SLC60A1: variants seen among roughly 807,000 people sequenced by gnomAD.
SLC60A1 encodes major facilitator superfamily domain containing 4.
chr1:205,575,193 G>A, the SLC60A1 span, among the ~76,000 whole-genome samples: 1 of 152,158 alleles, frequency 6.6e-6, no homozygotes, highest in Admixed American at 6.5e-5. Context: ...CCCCTTTTGG[G>A]GTGGATAGGG....
the SLC60A1 span, among the ~76,000 whole-genome samples, chr1:205,582,704 C>G: frequency 0.27 from 41,501 of 152,172 alleles, 6,124 homozygotes; most frequent in Non-Finnish European, 0.31. Flanking sequence ...CCCATTAGGG[C>G]TCAGCAGGGG....
the SLC60A1 span, among the ~76,000 whole-genome samples, chr1:205,591,211 G>T: frequency 1.3e-5 from 2 of 152,178 alleles, no homozygotes; most frequent in Non-Finnish European, 2.9e-5. Context: ...GGCTGGGCGT[G>T]GGGGCTCATG....
the SLC60A1 span, chr1:205,579,597 C>A: frequency 1.2e-6 from 1 of 823,854 alleles, no homozygotes; most frequent in African/African-American, 1.7e-5. Flanking sequence ...AACTTGCCCA[C>A]AGCTAATAAG....
At chr1:205,580,647 T>TCCC in the SLC60A1 span, 1 of 702,610 alleles carries the variant, frequency 1.4e-6, no homozygotes, top group Non-Finnish European at 2.2e-6. This position sits in a 1 kb window ranked among gnomAD's most constrained non-coding sequence, Gnocchi z 5.0. Context: ...CCGCCACCTC[T>TCCC]CCTCTGTCCC....
At chr1:205,584,466 C>CA in the SLC60A1 span, among the ~76,000 whole-genome samples, 1 of 150,990 alleles carries the variant, frequency 6.6e-6, no homozygotes, top group Non-Finnish European at 1.5e-5. Flanking sequence ...TCAGGTGATC[C>CA]ATCTGCCTCG....
chr1:205,588,556 C>T, the SLC60A1 span, among the ~76,000 whole-genome samples: 2 of 151,106 alleles, frequency 1.3e-5, no homozygotes, highest in Non-Finnish European at 2.9e-5. Context: ...TGGAGAAGAG[C>T]CTGGGCCTCT....
the SLC60A1 span, among the ~76,000 whole-genome samples, chr1:205,580,194 G>T: frequency 1.3e-5 from 2 of 152,126 alleles, no homozygotes; most frequent in African/African-American, 4.8e-5. The surrounding 1 kb of genome is among the most constrained non-coding windows in gnomAD (Gnocchi z 5.0). Flanking sequence ...GTGTGACTCA[G>T]GGCTTGCCTC....
chr1:205,600,322 C>G, the SLC60A1 span: 1 of 1,404,052 alleles, frequency 7.1e-7, no homozygotes, highest in Non-Finnish European at 1.0e-6. Context: ...AAACAAACAG[C>G]CTGGGTAAGC....
the SLC60A1 span, among the ~76,000 whole-genome samples, chr1:205,580,257 G>A: frequency 1.3e-5 from 2 of 151,874 alleles, no homozygotes; most frequent in Admixed American, 6.6e-5. This position sits in a 1 kb window ranked among gnomAD's most constrained non-coding sequence, Gnocchi z 5.0. Flanking sequence ...TTCTCCCCCC[G>A]GGATTCAGCC....
chr1:205,573,799 C>G, the SLC60A1 span, among the ~76,000 whole-genome samples: 8,659 of 152,112 alleles, frequency 0.057, 445 homozygotes, highest in South Asian at 0.2. Context: ...CGGGTTCAAG[C>G]AATTCTCATG....
chr1:205,590,452 C>T, the SLC60A1 span, among the ~76,000 whole-genome samples: 1 of 152,206 alleles, frequency 6.6e-6, no homozygotes, highest in East Asian at 1.9e-4. Context: ...CTCCTTCGGC[C>T]ACTGTTTTGT....
the SLC60A1 span, among the ~76,000 whole-genome samples, chr1:205,570,445 T>C: frequency 6.6e-6 from 1 of 152,214 alleles, no homozygotes; most frequent in Non-Finnish European, 1.5e-5. Flanking sequence ...GCTGTGGTCA[T>C]GCCCTTTGGC....
chr1:205,598,454 C>A, the SLC60A1 span: 1 of 153,176 alleles, frequency 6.5e-6, no homozygotes, highest in Admixed American at 6.5e-5. Context: ...TAGCAACTTA[C>A]CCTAGGTCAG....
the SLC60A1 span, chr1:205,600,260 TA>T: frequency 1.4e-6 from 1 of 706,080 alleles, no homozygotes. Flanking sequence ...TCGCCAGAAC[TA>T]GGGGGTCTGA....
At chr1:205,578,470 A>G in the SLC60A1 span, among the ~76,000 whole-genome samples, 2 of 152,162 alleles carry the variant, frequency 1.3e-5, no homozygotes, top group African/African-American at 4.8e-5. Context: ...AGCTGGGAAC[A>G]TGCTGGGGTC....
the SLC60A1 span, among the ~76,000 whole-genome samples, chr1:205,571,025 G>A: frequency 0.19 from 29,284 of 152,098 alleles, 3,088 homozygotes; most frequent in African/African-American, 0.27. Flanking sequence ...GCTCTGAACA[G>A]GCAGCAGAGA....
At chr1:205,578,161 C>T in the SLC60A1 span, among the ~76,000 whole-genome samples, 4 of 152,206 alleles carry the variant, frequency 2.6e-5, no homozygotes, top group South Asian at 4.1e-4. Context: ...TCCCTGCTTA[C>T]GCAAAGTGGT....
the SLC60A1 span, chr1:205,584,727 T>G: frequency 1.5e-6 from 1 of 682,852 alleles, no homozygotes; most frequent in Non-Finnish European, 2.6e-6. Flanking sequence ...TGGACAGGGG[T>G]TATTCCTAAC....
chr1:205,598,892 A>G, the SLC60A1 span: 1 of 546,510 alleles, frequency 1.8e-6, no homozygotes, highest in Admixed American at 3.4e-5. Flanking sequence ...CAGAGCTGCA[A>G]GGGACTGCAG....
Sources: gnomAD v4.1 joint callset for allele counts (sites outside exome capture counted in the v4.1 genomes callset) on GRCh38, gnomAD v4.1.1 for gene constraint, Gnocchi (gnomAD v3.1) non-coding constraint, MANE v1.5 for transcripts, NCBI Gene and HGNC (gene_info 2026-07-23, HGNC 2026-07-21) for gene names.